KCNQ1: variants seen among roughly 807,000 people sequenced by gnomAD.
KCNQ1 encodes the protein potassium voltage-gated channel subfamily KQT member 1.
A neutral mutation model predicts 72.4 loss-of-function variants in KCNQ1; 49 were observed. The ratio of observed to expected loss-of-function variants is 0.68; its 90% CI spans 0.54 to 0.86. The LOEUF (loss-of-function observed/expected upper bound fraction) is 0.86, where lower values mean the gene tolerates loss of function less well. Among genes scored for constraint, KCNQ1 ranks in the 40% least tolerant of loss-of-function variants. The probability of loss-of-function intolerance (pLI) is 0.00; values close to 1 mark genes in which losing one functional copy is unlikely to be tolerated. For missense variants in KCNQ1, 790 were observed against 945.1 expected (o/e 0.84, Z 2.15); for synonymous variants, 450 against 412.6 (o/e 1.09, Z -1.10).
In KCNQ1 at chr11:2,446,737, CTT is replaced by C. The variant is rs370765298; in HGVS notation, c.386+1256_386+1257del. Among the ~76,000 whole-genome samples the C allele has an allele frequency of 6.9e-4, 105 of 152,318 alleles. 2 individuals are homozygous for C. In the East Asian group the frequency reaches 0.019, roughly 27 times the overall value. ...TGTGGTTGGGGGGTGATCTTGGAGACTTTTCCCCACCCCAGCTCCCAAGCCCC... is the reference window on the plus strand; with the variant it reads ...TGTGGTTGGGGGGTGATCTTGGAGACTTCCCCACCCCAGCTCCCAAGCCCC... On this transcript the variant is annotated intron_variant, in intron 1 of 15. Coordinates refer to ENST00000155840, the MANE Select transcript of KCNQ1 (RefSeq NM_000218.3). This position sits in a 1 kb window ranked among gnomAD's most constrained non-coding sequence, Gnocchi z 8.8.
At chr11:2,527,634 T>G (rs565253712) in intron 1 of KCNQ1, among the ~76,000 whole-genome samples, 1 of 152,360 alleles carries the variant, frequency 6.6e-6, no homozygotes, top group Admixed American at 6.5e-5. Context: ...GTAGCCACAC[T>G]GCAGGTGGTC....
In KCNQ1 at chr11:2,724,804, G is replaced by A. The variant is rs1845730171; in HGVS notation, c.1515-44040G>A. ...CCACAGAGGGTGGAGTCACTGGGCT[G>A]AAGCTTCTGGCCATCGTATGGAGCT... On this transcript the variant is annotated intron_variant, in intron 11 of 15. Transcript: ENST00000155840. The surrounding 1 kb of genome is among the most constrained non-coding windows in gnomAD (Gnocchi z 6.8). Among the ~76,000 whole-genome samples, 1 of 152,226 alleles carries A rather than the reference G, an allele frequency of 6.6e-6. No individual in the cohort carries two copies. Among genetic ancestry groups the A allele is most frequent in the African/African-American group, 2.4e-5 (1 of 41,466 alleles).
intron 11 of KCNQ1, chr11:2,689,079 C>T (rs748426920): frequency 1.7e-4 from 68 of 398,792 alleles, no homozygotes; most frequent in Non-Finnish European, 2.4e-4. Flanking sequence ...GTGGCACATC[C>T]GGCCTGGAAG....
chr11:2,569,423 C>T (rs1209299979), intron 2 of KCNQ1, among the ~76,000 whole-genome samples: 1 of 152,250 alleles, frequency 6.6e-6, no homozygotes, highest in Non-Finnish European at 1.5e-5. Context: ...CAGTGTCCAG[C>T]TGACTGCTCA....
chr11:2,534,417 G>A (rs1235681003), intron 2 of KCNQ1, among the ~76,000 whole-genome samples: 1 of 152,226 alleles, frequency 6.6e-6, no homozygotes, highest in Non-Finnish European at 1.5e-5. Flanking sequence ...GCCCAGGTTG[G>A]GGAACCAGTG....
rs556452751 is a variant in KCNQ1 at position 2,826,325 on chromosome 11, C to T, written c.1795-21442C>T. 1.1e-3 allele frequency among the ~76,000 whole-genome samples: 165 copies of T among 152,354 alleles called. No individual in the cohort carries two copies. The highest frequency in any genetic ancestry group is 3.2e-3 in the African/African-American group (135 of 41,584). On this transcript the variant is annotated intron_variant, in intron 15 of 15. Coordinates refer to ENST00000155840, the MANE Select transcript of KCNQ1 (RefSeq NM_000218.3). This position sits in a 1 kb window ranked among gnomAD's most constrained non-coding sequence, Gnocchi z 4.2. ...GGGCGGGGAGGGCAGGTTAACCCTT[C>T]GGGCTCCAGTATTCCCCAGCTTCCC...
chr11:2,807,339 G>A (rs1389427059), intron 15 of KCNQ1, among the ~76,000 whole-genome samples: 1 of 152,084 alleles, frequency 6.6e-6, no homozygotes, highest in African/African-American at 2.4e-5. Flanking sequence ...ATTTTAATTC[G>A]CTTATGAAAA....
At chr11:2,546,772 A>G (rs1447825503) in intron 2 of KCNQ1, among the ~76,000 whole-genome samples, 1 of 152,184 alleles carries the variant, frequency 6.6e-6, no homozygotes, top group Non-Finnish European at 1.5e-5. Flanking sequence ...TGTGTTTTGA[A>G]GCTTCGTTCT....
rs1846075703 is a variant in KCNQ1 at position 2,448,409 on chromosome 11, A to G, written c.386+2925A>G. Among the ~76,000 whole-genome samples, 4 of 152,236 alleles carry G rather than the reference A, an allele frequency of 2.6e-5. No individual in the cohort carries two copies. The South Asian group carries it at 8.3e-4, about 31-fold the overall frequency. On this transcript the variant is annotated intron_variant, in intron 1 of 15. Coordinates refer to ENST00000155840, the MANE Select transcript of KCNQ1 (RefSeq NM_000218.3). ...GTGCGTGTTAATCAACAATGGAGCC[A>G]GAAGCAGGTCCCAGAGGTGGATGGG...
rs1850437527 is a variant in KCNQ1 at position 2,683,683 on chromosome 11, A to G, written c.1514+21602A>G. 1.0e-5 allele frequency: 4 copies of G among 398,482 alleles called. No homozygotes were observed. The highest frequency in any genetic ancestry group is 1.8e-5 in the Non-Finnish European group (4 of 226,070). 24.7% of individuals were successfully genotyped at this position (398,482 alleles called of 1,614,324 possible). On this transcript the variant is annotated intron_variant, in intron 11 of 15. Coordinates refer to ENST00000155840, the MANE Select transcript of KCNQ1 (RefSeq NM_000218.3). This position sits in a 1 kb window ranked among gnomAD's most constrained non-coding sequence, Gnocchi z 4.7. ...TTTCCCATCTCAATACAACTGTGAA[A>G]AGCCTAGCCTGGGACTCAGGCCTTT...
rs1269277458 is a variant in KCNQ1, at chr11:2,468,675, A to G, written c.386+23191A>G. Among the ~76,000 whole-genome samples the G allele has an allele frequency of 6.6e-6, 1 of 152,178 alleles. No homozygotes were observed. The highest frequency in any genetic ancestry group is 6.5e-5 in the Admixed American group (1 of 15,282). The stretch of plus-strand genomic sequence containing the variant: ...GAATTTTATTTGGATGGACTCTGGC[A>G]GCCAACGCTGGTTTCGTCTGGCTTC... On this transcript the variant is annotated intron_variant, in intron 1 of 15. Coordinates refer to ENST00000155840, the MANE Select transcript of KCNQ1 (RefSeq NM_000218.3). The surrounding 1 kb of genome is among the most constrained non-coding windows in gnomAD (Gnocchi z 5.7).
In KCNQ1 at chr11:2,608,638, A is replaced by C. The variant is rs554441988; in HGVS notation, c.1393+19784A>C. 1 of 398,526 alleles carries C rather than the reference A, an allele frequency of 2.5e-6. No homozygotes were observed. The highest frequency in any genetic ancestry group is 3.6e-5 in the East Asian group (1 of 28,068). 24.7% of individuals were successfully genotyped at this position (398,526 alleles called of 1,614,324 possible). Reference sequence around the variant, plus strand: ...CACAACACCAGCTGTTATTCAAAAAATATTTTGTAGAGATAGGGTCTTGCT... The same window carrying C: ...CACAACACCAGCTGTTATTCAAAAACTATTTTGTAGAGATAGGGTCTTGCT... On this transcript the variant is annotated intron_variant, in intron 10 of 15. Transcript: ENST00000155840. The surrounding 1 kb of genome is among the most constrained non-coding windows in gnomAD (Gnocchi z 4.6).
rs1309988884 is a variant in KCNQ1, at chr11:2,762,469, C to T, written c.1515-6375C>T. 4.6e-5 allele frequency among the ~76,000 whole-genome samples: 7 copies of T among 152,170 alleles called. No homozygotes were observed. Among genetic ancestry groups the T allele is most frequent in the Non-Finnish European group, 1.0e-4 (7 of 68,042 alleles). ...CCCTTTATTGAAAAGCGTATCCTTCCGCCAGCTCGACGGCAAAGGCGTCTT... is the reference window on the plus strand; with the variant it reads ...CCCTTTATTGAAAAGCGTATCCTTCTGCCAGCTCGACGGCAAAGGCGTCTT... On this transcript the variant is annotated intron_variant, in intron 11 of 15. Transcript: ENST00000155840. This position sits in a 1 kb window ranked among gnomAD's most constrained non-coding sequence, Gnocchi z 4.3.
At chr11:2,518,591 C>T (rs1184949876) in intron 1 of KCNQ1, among the ~76,000 whole-genome samples, 1 of 152,206 alleles carries the variant, frequency 6.6e-6, no homozygotes, top group Non-Finnish European at 1.5e-5. Context: ...AGGCTGGGGA[C>T]AGCCTTGGTC....
rs1413540535 is a variant in KCNQ1 at position 2,541,904 on chromosome 11, A to G, written c.477+13886A>G. ...CATCAGCTAAGGGGGTTTGGGGGCC[A>G]GTCGGCAGCCTCTGGAGGCCTCTGC... On this transcript the variant is annotated intron_variant, in intron 2 of 15. Coordinates refer to ENST00000155840, the MANE Select transcript of KCNQ1 (RefSeq NM_000218.3). This position sits in a 1 kb window ranked among gnomAD's most constrained non-coding sequence, Gnocchi z 4.8. Among the ~76,000 whole-genome samples, 1 of 152,122 alleles carries G rather than the reference A, an allele frequency of 6.6e-6. No individual in the cohort carries two copies. Among genetic ancestry groups the G allele is most frequent in the African/African-American group, 2.4e-5 (1 of 41,436 alleles).
chr11:2,795,817 G>A (rs1475391131), intron 15 of KCNQ1, among the ~76,000 whole-genome samples: 1 of 152,200 alleles, frequency 6.6e-6, no homozygotes, highest in East Asian at 1.9e-4. Flanking sequence ...TTGCCCTGGA[G>A]TCTCTCCAGC....
intron 15 of KCNQ1, among the ~76,000 whole-genome samples, chr11:2,841,267 G>A (rs979720470): frequency 2.6e-5 from 4 of 152,282 alleles, no homozygotes; most frequent in East Asian, 1.9e-4. Flanking sequence ...AGGGGCCAGC[G>A]GAGCCTCTGG....
chr11:2,672,153 T>C (rs1429633484), intron 11 of KCNQ1: 3 of 398,696 alleles, frequency 7.5e-6, no homozygotes, highest in Non-Finnish European at 1.3e-5. Flanking sequence ...CCTTTCAAAG[T>C]TGGGCTTGTT....
intron 1 of KCNQ1, among the ~76,000 whole-genome samples, chr11:2,474,134 G>A (rs1226635804): frequency 6.6e-6 from 1 of 152,120 alleles, no homozygotes; most frequent in Non-Finnish European, 1.5e-5. Context: ...CCTCACTGAG[G>A]GCTCACCATG....
Sources: allele counts gnomAD v4.1 joint callset (sites outside exome capture counted in the v4.1 genomes callset), GRCh38; gene constraint gnomAD v4.1.1; non-coding constraint Gnocchi (gnomAD v3.1); transcripts MANE v1.5; gene names NCBI Gene and HGNC (gene_info 2026-07-23, HGNC 2026-07-21).